The following PITPNB variants were observed in gnomAD, a reference collection of about 807,000 sequenced individuals.
The protein encoded by PITPNB is phosphatidylinositol transfer protein beta, also known as phosphatidylinositol transfer protein beta isoform.
PITPNB carries 16 observed loss-of-function variants against 45.9 expected under a neutral mutation model. The observed-to-expected ratio is 0.35, with a 90% CI of 0.24 to 0.53. The LOEUF (loss-of-function observed/expected upper bound fraction) is 0.53, where lower values mean the gene tolerates loss of function less well. PITPNB is among the 20% of genes least tolerant of loss of function. The pLI, the probability that PITPNB is intolerant of heterozygous loss-of-function variation, is 0.93. For missense variants in PITPNB, 188 were observed against 330.5 expected, an observed-to-expected ratio of 0.57 and a Z score of 3.34; for synonymous variants, 112 against 108.9, an observed-to-expected ratio of 1.03 and a Z score of -0.18.
intron 8 of PITPNB, among the ~76,000 whole-genome samples, chr22:27,867,725 G>A (rs1934526074): frequency 6.6e-6 from 1 of 152,168 alleles, no homozygotes; most frequent in Non-Finnish European, 1.5e-5. Context: ...GGAAGAATCT[G>A]CAAGAAGCTC....
chr22:27,881,572 G>A (rs1434987452), intron 7 of PITPNB, among the ~76,000 whole-genome samples: 1 of 152,166 alleles, frequency 6.6e-6, no homozygotes, highest in Non-Finnish European at 1.5e-5. Flanking sequence ...CCATAGGCCC[G>A]GCTAGGACTG....
intron 8 of PITPNB, among the ~76,000 whole-genome samples, chr22:27,867,404 A>G (rs1569008333): frequency 6.6e-6 from 1 of 152,216 alleles, no homozygotes; most frequent in African/African-American, 2.4e-5. Flanking sequence ...ATTAAATGGA[A>G]GAAGTAAACA....
At chr22:27,915,661 G>A (rs1301949861) in intron 1 of PITPNB, among the ~76,000 whole-genome samples, 1 of 151,938 alleles carries the variant, frequency 6.6e-6, no homozygotes, top group Non-Finnish European at 1.5e-5. Flanking sequence ...AATCCACAAT[G>A]GTCACTAATT....
chr22:27,860,317 C>T (rs538009283), intron 8 of PITPNB, 76 bp from the exon 9 acceptor site: 16 of 817,586 alleles, frequency 2.0e-5, no homozygotes, highest in East Asian at 1.3e-4. Flanking sequence ...TGTTGTATAA[C>T]GACATCATAG....
At chr22:27,913,031 C>T (rs941425851) in intron 2 of PITPNB, among the ~76,000 whole-genome samples, 26 of 148,992 alleles carry the variant, frequency 1.7e-4, no homozygotes, top group Non-Finnish European at 7.4e-5. Flanking sequence ...AACAAAAAGC[C>T]GAGAACAGTA....
At chr22:27,864,581 G>A (rs1934427830) in intron 8 of PITPNB, among the ~76,000 whole-genome samples, 1 of 152,114 alleles carries the variant, frequency 6.6e-6, no homozygotes, top group South Asian at 2.1e-4. Flanking sequence ...CCCACTACAG[G>A]AGACAGGTGA....
intron 6 of PITPNB, 66 bp downstream of exon 6, chr22:27,896,486 G>A (rs1935436510): frequency 1.9e-6 from 2 of 1,038,372 alleles, no homozygotes; most frequent in African/African-American, 3.1e-5. Context: ...TGATGACAAA[G>A]TGAACTACAT....
chr22:27,880,260 A>G (rs1934931454), intron 7 of PITPNB, among the ~76,000 whole-genome samples: 1 of 152,186 alleles, frequency 6.6e-6, no homozygotes, highest in African/African-American at 2.4e-5. Flanking sequence ...CTACCATTTG[A>G]TTAGACTCAA....
At chr22:27,878,926 C>G (rs1477102655) in intron 7 of PITPNB, among the ~76,000 whole-genome samples, 4 of 152,200 alleles carry the variant, frequency 2.6e-5, no homozygotes, top group African/African-American at 7.2e-5. Context: ...TCAGTCCTCT[C>G]ATTAAACCTT....
intron 8 of PITPNB, chr22:27,860,730 G>C (rs532826296): frequency 6.5e-6 from 1 of 153,028 alleles, no homozygotes. Context: ...GAAAAGTGAT[G>C]CAACAGCAAA....
intron 2 of PITPNB, among the ~76,000 whole-genome samples, chr22:27,913,010 G>A (rs1021105451): frequency 6.6e-6 from 1 of 150,692 alleles, no homozygotes; most frequent in Non-Finnish European, 1.5e-5. Flanking sequence ...AAAAGGTGGG[G>A]GGGGGAGTAT....
chr22:27,904,745 GAAGA>G lies in PITPNB; in HGVS notation c.197+6215_197+6218del, dbSNP rs376708810. On this transcript the variant is annotated intron_variant, in intron 3 of 11. Transcript: ENST00000335272. The stretch of plus-strand genomic sequence containing the variant: ...TTGATTAACAGTAATGATGGAGATG[GAAGA>G]AAGAAAGAAAAGAAGATACAAGAGG... 1.8e-4 allele frequency among the ~76,000 whole-genome samples: 28 copies of G among 152,252 alleles called. No homozygotes were observed. The East Asian group carries it at 2.1e-3, about 12-fold the overall frequency.
At chr22:27,874,422 A>T (rs1934758755) in intron 7 of PITPNB, among the ~76,000 whole-genome samples, 2 of 152,124 alleles carry the variant, frequency 1.3e-5, no homozygotes, top group African/African-American at 4.8e-5. Flanking sequence ...TCATCCCCTC[A>T]CTGTCAAAGG....
At chr22:27,876,716 T>C (rs1422939398) in intron 7 of PITPNB, among the ~76,000 whole-genome samples, 1 of 151,742 alleles carries the variant, frequency 6.6e-6, no homozygotes, top group Non-Finnish European at 1.5e-5. Flanking sequence ...GGCCAATTTA[T>C]ATCCGTATCA....
intron 11 of PITPNB, among the ~76,000 whole-genome samples, chr22:27,854,237 A>ATTTT (rs200320101): frequency 3.5e-5 from 5 of 144,058 alleles, no homozygotes; most frequent in African/African-American, 1.3e-4. Context: ...GGAGATTTTG[A>ATTTT]TTTTTTTTTT....
chr22:27,857,141 T>C (rs1328999784), intron 10 of PITPNB, among the ~76,000 whole-genome samples: 5 of 152,048 alleles, frequency 3.3e-5, no homozygotes, highest in African/African-American at 9.7e-5. Flanking sequence ...GTATGAGAAA[T>C]TGGGGTCAAA....
intron 10 of PITPNB, among the ~76,000 whole-genome samples, chr22:27,856,904 G>T (rs964912543): frequency 6.6e-6 from 1 of 152,190 alleles, no homozygotes; most frequent in Non-Finnish European, 1.5e-5. Flanking sequence ...CGAGGGCCAG[G>T]GGGGTGCTTG....
chr22:27,865,111 A>G (rs1934446819), intron 8 of PITPNB, among the ~76,000 whole-genome samples: 2 of 152,200 alleles, frequency 1.3e-5, no homozygotes, highest in South Asian at 2.1e-4. Context: ...AAATGAGACT[A>G]CAACTAATTT....
intron 3 of PITPNB, among the ~76,000 whole-genome samples, chr22:27,901,647 G>A (rs1264038800): frequency 6.6e-6 from 1 of 152,166 alleles, no homozygotes; most frequent in Non-Finnish European, 1.5e-5. Flanking sequence ...TTTGCCAGAG[G>A]TCAAGGTGGG....
Sources: allele counts gnomAD v4.1 joint callset (sites outside exome capture counted in the v4.1 genomes callset), GRCh38; gene constraint gnomAD v4.1.1; transcripts MANE v1.5; gene names NCBI Gene and HGNC (gene_info 2026-07-23, HGNC 2026-07-21).